Variants in RBFOX3 observed in about 807,000 individuals in gnomAD.
RBFOX3 encodes RNA binding fox-1 homolog 3.
Under a neutral mutation model 48.7 loss-of-function variants are expected in RBFOX3, and 17 were observed. The observed-to-expected ratio is 0.35, with a 90% CI of 0.24 to 0.52. The LOEUF (loss-of-function observed/expected upper bound fraction) is 0.52, where lower values mean the gene tolerates loss of function less well. Ranked by LOEUF, RBFOX3 falls within the 20% of genes least tolerant of loss-of-function variation. The pLI, the probability that RBFOX3 is intolerant of heterozygous loss-of-function variation, is 0.94. For missense variants in RBFOX3, 382 were observed against 497.5 expected, an observed-to-expected ratio of 0.77 and a Z score of 2.21; for synonymous variants, 212 against 209.5, an observed-to-expected ratio of 1.01 and a Z score of -0.10.
chr17:79,244,055 C>A (rs77379460), intron 3 of RBFOX3, among the ~76,000 whole-genome samples: 1 of 152,170 alleles, frequency 6.6e-6, no homozygotes, highest in African/African-American at 2.4e-5. Context: ...GAGATACCAC[C>A]GCACAGGGCA....
rs375232239 is a variant in RBFOX3 at position 79,336,184 on chromosome 17, C to T, written c.-174-28360G>A. ...AGTGGATCACCTGAGGTCAGGAGTTCGAGACCAGCCTGGCCAACATGACGA... is the reference window on the plus strand; with the variant it reads ...AGTGGATCACCTGAGGTCAGGAGTTTGAGACCAGCCTGGCCAACATGACGA... On this transcript the variant is annotated intron_variant, in intron 2 of 14. Coordinates refer to ENST00000693108, the MANE Select transcript of RBFOX3 (RefSeq NM_001350451.2). Among the ~76,000 whole-genome samples the T allele has an allele frequency of 6.0e-4, 91 of 151,896 alleles. 3 individuals carry two copies. In the South Asian group the frequency reaches 0.018, roughly 31 times the overall value.
intron 4 of RBFOX3, among the ~76,000 whole-genome samples, chr17:79,179,139 T>C (rs990047662): frequency 9.9e-5 from 15 of 152,192 alleles, no homozygotes; most frequent in Non-Finnish European, 2.1e-4. Context: ...CCACAGTAAT[T>C]AATCCTGATT....
intron 5 of RBFOX3, among the ~76,000 whole-genome samples, chr17:79,108,261 G>C (rs1003828317): frequency 2.2e-4 from 34 of 152,346 alleles, no homozygotes; most frequent in African/African-American, 8.2e-4. Flanking sequence ...GGAGACTGGG[G>C]TCCCTTAGAG....
chr17:79,628,118 CCT>C, the RBFOX3 span, among the ~76,000 whole-genome samples: 1 of 151,990 alleles, frequency 6.6e-6, no homozygotes, highest in Non-Finnish European at 1.5e-5. Context: ...CTCAACTCCC[CCT>C]CCTCTGTTCC....
chr17:79,242,524 T>G lies in RBFOX3; in HGVS notation c.-73-6719A>C, dbSNP rs968493. On this transcript the variant is annotated intron_variant, in intron 3 of 14. Coordinates refer to ENST00000693108, the MANE Select transcript of RBFOX3 (RefSeq NM_001350451.2). The surrounding 1 kb of genome is among the most constrained non-coding windows in gnomAD (Gnocchi z 5.8). ...TTTCCTCCTTCTTCTGAATAGAAAT[T>G]TGCCTTTAGAGAGGAAAGGAGGGGA... Among the ~76,000 whole-genome samples, 42,331 of 151,580 alleles carry G rather than the reference T, an allele frequency of 0.28. 6,067 individuals carry two copies. Among genetic ancestry groups the G allele is most frequent in the Middle Eastern group, 0.39 (114 of 290 alleles).
At chr17:79,552,813 T>C (rs1438293770) in intron 1 of RBFOX3, among the ~76,000 whole-genome samples, 1 of 152,230 alleles carries the variant, frequency 6.6e-6, no homozygotes, top group Non-Finnish European at 1.5e-5. Context: ...TTTTCTCCCA[T>C]TATATTACTG....
chr17:79,102,666 C>A (rs534237235), intron 8 of RBFOX3, among the ~76,000 whole-genome samples: 16 of 152,354 alleles, frequency 1.1e-4, no homozygotes, highest in African/African-American at 3.8e-4. Flanking sequence ...TTCCTCTGCC[C>A]TGGCCATTGC....
At chr17:79,279,334 A>G (rs907916713) in intron 3 of RBFOX3, among the ~76,000 whole-genome samples, 9 of 152,192 alleles carry the variant, frequency 5.9e-5, no homozygotes, top group African/African-American at 2.2e-4. Flanking sequence ...CACAGCACCC[A>G]GGACATTCCC....
chr17:79,522,711 C>T (rs2086274232), intron 1 of RBFOX3, among the ~76,000 whole-genome samples: 1 of 152,006 alleles, frequency 6.6e-6, no homozygotes, highest in South Asian at 2.1e-4. Context: ...AGGCAGATTA[C>T]CTGAGGTCAG....
intron 1 of RBFOX3, among the ~76,000 whole-genome samples, chr17:79,582,187 C>T (rs983387772): frequency 7.2e-4 from 95 of 131,522 alleles, no homozygotes; most frequent in African/African-American, 2.5e-3. Flanking sequence ...TATGCAAGCA[C>T]GTGCCTGCCC....
chr17:79,387,435 T>A (rs2060708404), intron 2 of RBFOX3, among the ~76,000 whole-genome samples: 1 of 152,176 alleles, frequency 6.6e-6, no homozygotes, highest in Non-Finnish European at 1.5e-5. Context: ...AAGTCCCAGG[T>A]CTTTTAAAAG....
intron 1 of RBFOX3, among the ~76,000 whole-genome samples, chr17:79,487,384 A>G (rs1297334754): frequency 6.6e-6 from 1 of 152,188 alleles, no homozygotes; most frequent in Non-Finnish European, 1.5e-5. Context: ...GTTGACAAAG[A>G]TGCTGCAGAG....
At chr17:79,259,779 G>A (rs2065450650) in intron 3 of RBFOX3, among the ~76,000 whole-genome samples, 1 of 152,122 alleles carries the variant, frequency 6.6e-6, no homozygotes, top group Admixed American at 6.5e-5. Context: ...CGCATCTCAG[G>A]GTCACAGTAG....
intron 2 of RBFOX3, among the ~76,000 whole-genome samples, chr17:79,463,562 T>A (rs1451871683): frequency 1.1e-5 from 1 of 90,788 alleles, no homozygotes; most frequent in Admixed American, 1.2e-4. Flanking sequence ...CACTGACACC[T>A]CCACCACCAT....
chr17:79,329,297 G>T (rs902684020), intron 2 of RBFOX3, among the ~76,000 whole-genome samples: 2 of 152,088 alleles, frequency 1.3e-5, no homozygotes, highest in Non-Finnish European at 2.9e-5. Context: ...CTTCACTAGT[G>T]CTTGGTCCAG....
In RBFOX3 at chr17:79,204,295, C is replaced by A. The variant is rs915329509; in HGVS notation, c.-34+31471G>T. Among the ~76,000 whole-genome samples, 1 of 152,024 alleles carries A rather than the reference C, an allele frequency of 6.6e-6. No homozygotes were observed. Among genetic ancestry groups the A allele is most frequent in the East Asian group, 1.9e-4 (1 of 5,182 alleles). ...TGGACGCCGGGGAGCGGACACACAC[C>A]AGCGGGCGCCGGGGAGCGGGTACAC... On this transcript the variant is annotated intron_variant, in intron 4 of 14. Coordinates refer to ENST00000693108, the MANE Select transcript of RBFOX3 (RefSeq NM_001350451.2). This position sits in a 1 kb window ranked among gnomAD's most constrained non-coding sequence, Gnocchi z 4.5.
At position 79,244,825 on chromosome 17, in the gene RBFOX3, CCTT is replaced by C. The variant is rs2062922156; in HGVS notation, c.-73-9023_-73-9021del. Among the ~76,000 whole-genome samples the C allele has an allele frequency of 2.7e-5, 4 of 147,972 alleles. No individual in the cohort carries two copies. The South Asian group carries it at 8.8e-4, about 32-fold the overall frequency. On this transcript the variant is annotated intron_variant, in intron 3 of 14. Transcript: ENST00000693108. ...CCCCCTCTCCTTTATCCCTTTCCTT[CCTT>C]CTTTTCCTTCCTTCTTTCATTCTCC...
At chr17:79,521,314 T>G (rs2086057169) in intron 1 of RBFOX3, among the ~76,000 whole-genome samples, 1 of 137,160 alleles carries the variant, frequency 7.3e-6, no homozygotes, top group Admixed American at 7.1e-5. Flanking sequence ...ACACACATGC[T>G]CAGACACACA....
intron 4 of RBFOX3, among the ~76,000 whole-genome samples, chr17:79,201,634 G>A (rs1027855928): frequency 5.3e-5 from 8 of 152,172 alleles, no homozygotes; most frequent in Non-Finnish European, 1.2e-4. Flanking sequence ...TCTGGAACAC[G>A]GAAAGTGCTT....
Sources: gnomAD v4.1 joint callset for allele counts (sites outside exome capture counted in the v4.1 genomes callset) on GRCh38, gnomAD v4.1.1 for gene constraint, Gnocchi (gnomAD v3.1) non-coding constraint, MANE v1.5 for transcripts, NCBI Gene and HGNC (gene_info 2026-07-23, HGNC 2026-07-21) for gene names.